The following PTPRD variants were observed in gnomAD, a reference collection of about 807,000 sequenced individuals.
PTPRD encodes protein tyrosine phosphatase receptor type D.
In PTPRD, 34 loss-of-function variants were observed where a neutral mutation model predicts 214.5. That is an observed-to-expected ratio of 0.16 (90% CI 0.12 to 0.21). The LOEUF (loss-of-function observed/expected upper bound fraction) is 0.21. PTPRD is among the 10% of genes least tolerant of loss of function. The pLI is 1.00. For synonymous variants in PTPRD, 1,128 were observed against 845.7 expected (o/e 1.33, Z -5.79); for missense variants, 2,545 against 2,398.7 (o/e 1.06, Z -1.27).
intron 44 of PTPRD, among the ~76,000 whole-genome samples, chr9:8,324,109 T>C (rs949398438): frequency 5.3e-5 from 8 of 151,982 alleles, no homozygotes; most frequent in African/African-American, 1.7e-4. Flanking sequence ...GCATTTTTTT[T>C]TTTTTTTAAA....
At chr9:10,554,441 A>G (rs1401129131) in intron 2 of PTPRD, among the ~76,000 whole-genome samples, 2 of 152,036 alleles carry the variant, frequency 1.3e-5, no homozygotes, top group Non-Finnish European at 2.9e-5. Flanking sequence ...CTTTCAGAGT[A>G]ATTACTCTCT....
chr9:8,401,662 A>G (rs1436273886), intron 36 of PTPRD, among the ~76,000 whole-genome samples: 1 of 152,048 alleles, frequency 6.6e-6, no homozygotes, highest in African/African-American at 2.4e-5. Flanking sequence ...GATTCTTTTA[A>G]TTTTTCCCTG....
At chr9:8,754,780 G>A (rs999526893) in intron 11 of PTPRD, among the ~76,000 whole-genome samples, 1 of 152,056 alleles carries the variant, frequency 6.6e-6, no homozygotes, top group Non-Finnish European at 1.5e-5. Context: ...TATCAAGAAA[G>A]GGCAATCTAC....
chr9:9,379,996 C>A (rs561404692), intron 9 of PTPRD, among the ~76,000 whole-genome samples: 1 of 151,174 alleles, frequency 6.6e-6, no homozygotes. Context: ...TTTTTCTTTT[C>A]CCTTCTATAT....
intron 10 of PTPRD, among the ~76,000 whole-genome samples, chr9:9,102,403 G>A (rs556013233): frequency 6.6e-6 from 1 of 152,310 alleles, no homozygotes; most frequent in East Asian, 1.9e-4. Flanking sequence ...CATTGAACCA[G>A]AATCACGCTG....
intron 2 of PTPRD, among the ~76,000 whole-genome samples, chr9:10,504,529 C>CAGA (rs1258626811): frequency 1.3e-5 from 2 of 152,094 alleles, no homozygotes; most frequent in African/African-American, 4.8e-5. Flanking sequence ...AGCTTGGAAG[C>CAGA]AGAAGGGAGA....
chr9:8,584,132 C>A (rs1347067907), intron 14 of PTPRD, among the ~76,000 whole-genome samples: 51 of 151,938 alleles, frequency 3.4e-4, no homozygotes, highest in South Asian at 6.3e-4. Flanking sequence ...CCAGCCTGCA[C>A]AACAGAGTGA....
At chr9:10,077,386 G>A (rs1034815226) in intron 3 of PTPRD, among the ~76,000 whole-genome samples, 1 of 152,136 alleles carries the variant, frequency 6.6e-6, no homozygotes, top group African/African-American at 2.4e-5. Flanking sequence ...AGATTCACTT[G>A]TGAAGCTTTT....
intron 14 of PTPRD, among the ~76,000 whole-genome samples, chr9:8,544,931 T>G (rs947897052): frequency 6.6e-6 from 1 of 151,032 alleles, no homozygotes; most frequent in Non-Finnish European, 1.5e-5. Flanking sequence ...GAGGCACTTT[T>G]GTATCAAAGT....
rs1168267616 is a variant in PTPRD, at chr9:9,221,451, TAA to T, written c.-202-38090_-202-38089del. Among the ~76,000 whole-genome samples, 8 of 152,166 alleles carry T rather than the reference TAA, an allele frequency of 5.3e-5. No homozygotes were observed. In the East Asian group the frequency reaches 1.4e-3, roughly 26 times the overall value. On this transcript the variant is annotated intron_variant, in intron 9 of 45. Coordinates refer to ENST00000381196, the MANE Select transcript of PTPRD (RefSeq NM_002839.4). ...ACATAATATCATAGACTGAATGGCT[TAA>T]AGGACAGAAATATATTACCTCACAT...
chr9:8,368,494 G>C (rs2080576599), intron 39 of PTPRD, among the ~76,000 whole-genome samples: 1 of 152,068 alleles, frequency 6.6e-6, no homozygotes. Context: ...TTTGAAGTTA[G>C]ATAGTATTGT....
chr9:10,274,187 T>G (rs530860799), intron 3 of PTPRD, among the ~76,000 whole-genome samples: 10 of 152,296 alleles, frequency 6.6e-5, no homozygotes, highest in African/African-American at 2.4e-4. Context: ...AGACGGCAGG[T>G]AAGCCATATG....
chr9:9,169,053 T>A (rs144213992), intron 10 of PTPRD, among the ~76,000 whole-genome samples: 331 of 152,140 alleles, frequency 2.2e-3, no homozygotes, highest in African/African-American at 7.3e-3. Flanking sequence ...AAAACGTATA[T>A]ATAAATTTTT....
intron 33 of PTPRD, chr9:8,454,471 G>C (rs1413283587): frequency 7.4e-6 from 8 of 1,084,964 alleles, no homozygotes; most frequent in Non-Finnish European, 2.8e-6. Context: ...CACGTGCCAG[G>C]TATTATCTTT....
chr9:10,519,537 G>A (rs772802375), intron 2 of PTPRD, among the ~76,000 whole-genome samples: 8 of 152,054 alleles, frequency 5.3e-5, no homozygotes, highest in Non-Finnish European at 1.2e-4. Context: ...TCTTAGAGCT[G>A]AGTATAATGT....
chr9:9,742,408 A>G (rs190435230), intron 6 of PTPRD, among the ~76,000 whole-genome samples: 3 of 152,330 alleles, frequency 2.0e-5, no homozygotes, highest in African/African-American at 7.2e-5. Flanking sequence ...AGAATACTCA[A>G]ATTAGAAGCA....
intron 10 of PTPRD, among the ~76,000 whole-genome samples, chr9:9,029,190 A>G (rs1472312730): frequency 6.6e-6 from 1 of 151,964 alleles, no homozygotes; most frequent in Non-Finnish European, 1.5e-5. Context: ...ACATTTTATA[A>G]TATGACTACT....
At chr9:8,593,360 C>G (rs1243160857) in intron 14 of PTPRD, among the ~76,000 whole-genome samples, 3 of 152,140 alleles carry the variant, frequency 2.0e-5, no homozygotes, top group African/African-American at 7.2e-5. Flanking sequence ...CCTACAGAAC[C>G]AGTGTGGAAC....
intron 43 of PTPRD, among the ~76,000 whole-genome samples, chr9:8,334,011 C>T (rs922785823): frequency 3.9e-5 from 6 of 152,162 alleles, no homozygotes; most frequent in African/African-American, 1.2e-4. Context: ...GACCCCAATA[C>T]AGGAGCACCC....
Sources: gnomAD v4.1 joint callset for allele counts (sites outside exome capture counted in the v4.1 genomes callset) on GRCh38, gnomAD v4.1.1 for gene constraint, MANE v1.5 for transcripts, NCBI Gene and HGNC (gene_info 2026-07-23, HGNC 2026-07-21) for gene names.